Variants in PROZ observed in about 807,000 individuals in gnomAD.
PROZ encodes the protein protein Z, vitamin K dependent plasma glycoprotein.
In PROZ, 46 loss-of-function variants were observed where a neutral mutation model predicts 34.9. The observed-to-expected ratio is 1.32, with a 90% CI of 1.04 to 1.69. The LOEUF (loss-of-function observed/expected upper bound fraction) is 1.69. Among genes scored for constraint, PROZ ranks in the 40% most tolerant of loss-of-function variants. The pLI is 0.00. For synonymous variants in PROZ, 195 were observed against 208.5 expected (o/e 0.94, Z 0.56); for missense variants, 530 against 520.4 (o/e 1.02, Z -0.18).
At position 113,171,280 on chromosome 13, in the gene PROZ, T is replaced by C. The variant is rs765505856; in HGVS notation, c.692-314T>C. 2.0e-5 allele frequency among the ~76,000 whole-genome samples: 3 copies of C among 152,246 alleles called. No homozygotes were observed. The highest frequency in any genetic ancestry group is 6.5e-5 in the Admixed American group (1 of 15,280). On this transcript the variant is annotated intron_variant, in intron 7 of 7. Transcript: ENST00000375547. This position sits in a 1 kb window ranked among gnomAD's most constrained non-coding sequence, Gnocchi z 5.1. ...AAAACCACTTCTCAACAGCCAATGT[T>C]TGACTGGCCTGGAGACGTTCCACAT... is the stretch of plus-strand genomic sequence containing the variant.
rs1240042608 is a variant in PROZ, at chr13:113,159,516, A to G, written c.71-498A>G. Among the ~76,000 whole-genome samples the G allele has an allele frequency of 6.6e-6, 1 of 152,176 alleles. No homozygotes were observed. Among genetic ancestry groups the G allele is most frequent in the Non-Finnish European group, 1.5e-5 (1 of 68,032 alleles). ...ACCCTCAGGTGGGAAGAGGCTCCAG[A>G]GACCACTGCCGCGGGTCAACTCATT... On this transcript the variant is annotated intron_variant, in intron 1 of 7. Transcript: ENST00000375547. This position sits in a 1 kb window ranked among gnomAD's most constrained non-coding sequence, Gnocchi z 4.6.
intron 6 of PROZ, 108 bp from the exon 7 acceptor site, chr13:113,170,305 G>A: frequency 4.5e-6 from 3 of 673,616 alleles, no homozygotes; most frequent in Non-Finnish European, 5.3e-6. Flanking sequence ...TTGGCGGGGG[G>A]TGGGGGTGGG....
chr13:113,165,159 T>G lies in PROZ; in HGVS notation c.573+39T>G, dbSNP rs779122451. On this transcript the variant is annotated intron_variant, in intron 6 of 7. Transcript: ENST00000375547. ...CTCCGCGTGCTTCAATTTATTGTTA[T>G]GACTTTCACCTCACTTGTCATTTCC... is the stretch of plus-strand genomic sequence containing the variant. 2.6e-5 allele frequency: 41 copies of G among 1,569,992 alleles called. No homozygotes were observed. In the East Asian group the frequency reaches 3.8e-4, roughly 15 times the overall value.
rs558255462 is a variant in PROZ, at chr13:113,161,278, G to A, written c.259+306G>A. On this transcript the variant is annotated intron_variant, in intron 3 of 7. Coordinates refer to ENST00000375547, the MANE Select transcript of PROZ (RefSeq NM_003891.3). ...CCCCCCCAGAGCAGCTCCTCCAGCC[G>A]CCTGGCTCCTGGGCTCCTGGGAAGC... is the stretch of plus-strand genomic sequence containing the variant. Among the ~76,000 whole-genome samples, 8 of 152,336 alleles carry A rather than the reference G, an allele frequency of 5.3e-5. No homozygotes were observed. The South Asian group carries it at 6.2e-4, about 12-fold the overall frequency.
chr13:113,165,815 G>C (rs1292011221), intron 6 of PROZ, among the ~76,000 whole-genome samples: 1 of 152,222 alleles, frequency 6.6e-6, no homozygotes. Flanking sequence ...ACAGGCGTGA[G>C]CCACCACGCC....
At position 113,164,588 on chromosome 13, in the gene PROZ, G is replaced by C. The variant is rs199965278; in HGVS notation, c.449G>C (p.Cys150Ser). The change falls in exon 5 of 8, where the codon TGC becomes TCC. Residue 150 changes from cysteine (C) to serine (S), a missense_variant. Transcript: ENST00000375547. The stretch of plus-strand genomic sequence containing the variant: ...CTCCCAGGACAGGAATCCTACACAT[G>C]CAGCTGTGCTCAGGGCTACAGGCTT... The part of the protein sequence containing the change: ...FCLPGQESYT[C>S]SCAQGYRLGE... 8.7e-6 allele frequency: 14 copies of C among 1,613,612 alleles called. No homozygotes were observed. The highest frequency in any genetic ancestry group is 9.3e-6 in the Non-Finnish European group (11 of 1,179,990).
At chr13:113,169,829 G>A (rs576945457) in intron 6 of PROZ, among the ~76,000 whole-genome samples, 2 of 152,300 alleles carry the variant, frequency 1.3e-5, no homozygotes, top group Non-Finnish European at 2.9e-5. Flanking sequence ...CCATGTACAC[G>A]TGATCACCAC....
chr13:113,169,991 G>A (rs1032573014), intron 6 of PROZ, among the ~76,000 whole-genome samples: 9 of 152,262 alleles, frequency 5.9e-5, no homozygotes, highest in African/African-American at 1.9e-4. Context: ...TTCAATTTAG[G>A]GAGTCAGCAG....
Position 113,159,151 on chromosome 13 carries a change from T to G in PROZ, c.70+421T>G, listed in dbSNP as rs535651487. On this transcript the variant is annotated intron_variant, in intron 1 of 7. Transcript: ENST00000375547. This position sits in a 1 kb window ranked among gnomAD's most constrained non-coding sequence, Gnocchi z 4.6. ...ATGCCCAGTCTTGAGTCAGGAGACATAGCCAGGGAGCAGCCACCCTGCCTG... is the reference window on the plus strand; with the variant it reads ...ATGCCCAGTCTTGAGTCAGGAGACAGAGCCAGGGAGCAGCCACCCTGCCTG... 1 of 1,377,090 alleles carries G rather than the reference T, an allele frequency of 7.3e-7. No individual in the cohort carries two copies. Among genetic ancestry groups the G allele is most frequent in the African/African-American group, 1.4e-5 (1 of 69,310 alleles). 85.3% of individuals were successfully genotyped at this position (1,377,090 alleles called of 1,614,324 possible).
At position 113,159,372 on chromosome 13, in the gene PROZ, C is replaced by T. The variant is rs1024985586; in HGVS notation, c.70+642C>T. 8.2e-7 allele frequency: 1 copy of T among 1,221,198 alleles called. No homozygotes were observed. The highest frequency in any genetic ancestry group is 2.5e-5 in the East Asian group (1 of 39,274). 75.6% of individuals were successfully genotyped at this position (1,221,198 alleles called of 1,614,324 possible). ...CCCGCCCTGCCCTGCCCAGCACTTA[C>T]CGTAGCCGGACTTAGCTGAGCCCCC... is the stretch of plus-strand genomic sequence containing the variant. On this transcript the variant is annotated intron_variant, in intron 1 of 7. Transcript: ENST00000375547. The surrounding 1 kb of genome is among the most constrained non-coding windows in gnomAD (Gnocchi z 4.6).
Position 113,172,158 on chromosome 13 carries a change from C to A in PROZ, c.*53C>A. On this transcript the variant is annotated 3_prime_UTR_variant, in exon 8 of 8. Transcript: ENST00000375547. ...ACACAACCGGAAGCGGGATTCCAAGCTGGCACTGCCACTGTGGAGGGCGCT... is the reference window on the plus strand; with the variant it reads ...ACACAACCGGAAGCGGGATTCCAAGATGGCACTGCCACTGTGGAGGGCGCT... 1 of 1,596,216 alleles carries A rather than the reference C, an allele frequency of 6.3e-7. No individual in the cohort carries two copies. The highest frequency in any genetic ancestry group is 1.1e-5 in the South Asian group (1 of 89,346).
chr13:113,170,576 A>G, intron 7 of PROZ, 46 bp downstream of exon 7: 2 of 1,114,612 alleles, frequency 1.8e-6, no homozygotes. Flanking sequence ...TTGGAAATAC[A>G]CTATCCTATG....
At chr13:113,170,320 G>C in intron 6 of PROZ, 93 bp from the exon 7 acceptor site, 1 of 780,530 alleles carries the variant, frequency 1.3e-6, no homozygotes, top group Non-Finnish European at 2.3e-6. Flanking sequence ...GGTGGGGGTG[G>C]GGGGGTGGTC....
chr13:113,165,162 C>T, intron 6 of PROZ, 42 bp downstream of exon 6: 3 of 1,557,380 alleles, frequency 1.9e-6, no homozygotes, highest in Non-Finnish European at 2.6e-6. Flanking sequence ...ATTGTTATGA[C>T]TTTCACCTCA....
Position 113,159,943 on chromosome 13 carries a change from G to A in PROZ, c.71-71G>A. On this transcript the variant is annotated intron_variant, in intron 1 of 7. Coordinates refer to ENST00000375547, the MANE Select transcript of PROZ (RefSeq NM_003891.3). This position sits in a 1 kb window ranked among gnomAD's most constrained non-coding sequence, Gnocchi z 4.6. Reference sequence around the variant, plus strand: ...GCTGGGGCTGGCGGCCGGCCGGGGAGGAAGCCAGGCAGCTCTGGAAAGCAG... The same window carrying A: ...GCTGGGGCTGGCGGCCGGCCGGGGAAGAAGCCAGGCAGCTCTGGAAAGCAG... The A allele has an allele frequency of 6.3e-7, 1 of 1,586,630 alleles. No individual in the cohort carries two copies.
Position 113,159,992 on chromosome 13 carries a change from T to C in PROZ, c.71-22T>C. ...AGGGCCCTCGGTGCTCCCAGTCACCTGCCTTCTTGTCTCGTCTGTAGTATT... is the reference window on the plus strand; with the variant it reads ...AGGGCCCTCGGTGCTCCCAGTCACCCGCCTTCTTGTCTCGTCTGTAGTATT... On this transcript the variant is annotated intron_variant, in intron 1 of 7. Coordinates refer to ENST00000375547, the MANE Select transcript of PROZ (RefSeq NM_003891.3). The surrounding 1 kb of genome is among the most constrained non-coding windows in gnomAD (Gnocchi z 4.6). 5 of 1,613,400 alleles carry C rather than the reference T, an allele frequency of 3.1e-6. No homozygotes were observed. The highest frequency in any genetic ancestry group is 1.3e-5 in the African/African-American group (1 of 75,046).
intron 3 of PROZ, 118 bp from the exon 4 acceptor site, chr13:113,162,891 A>ACCCCCCCCCCC: frequency 1.4e-5 from 4 of 284,636 alleles, no homozygotes; most frequent in South Asian, 2.5e-5. Context: ...CCCTGCTGCC[A>ACCCCCCCCCCC]CCCCCCACTC....
chr13:113,172,042 T>C lies in PROZ; in HGVS notation c.1140T>C (p.Ala380=). Residue 380 remains alanine (A), a synonymous_variant, in exon 8 of 8, where the codon GCT becomes GCC. Coordinates refer to ENST00000375547, the MANE Select transcript of PROZ (RefSeq NM_003891.3). Reference sequence around the variant, plus strand: ...GCTCGCAGCCAGTAGGAGGGCAGGCTCACATGGTCCTTGTCACCAAGGTCT... The same window carrying C: ...GCTCGCAGCCAGTAGGAGGGCAGGCCCACATGGTCCTTGTCACCAAGGTCT... ...VLGSQPVGGQ[A]HMVLVTKVSR... 6.2e-7 allele frequency: 1 copy of C among 1,613,056 alleles called. No individual in the cohort carries two copies. Among genetic ancestry groups the C allele is most frequent in the Non-Finnish European group, 8.5e-7 (1 of 1,180,018 alleles).
At chr13:113,160,302 C>T (rs1483741313) in intron 2 of PROZ, 125 bp downstream of exon 2, 2 of 1,222,948 alleles carry the variant, frequency 1.6e-6, no homozygotes. Context: ...GAGGTTGACA[C>T]AATCCCAGTT....
Sources: allele counts gnomAD v4.1 joint callset (sites outside exome capture counted in the v4.1 genomes callset), GRCh38; gene constraint gnomAD v4.1.1; non-coding constraint Gnocchi (gnomAD v3.1); transcripts MANE v1.5; gene names NCBI Gene and HGNC (gene_info 2026-07-23, HGNC 2026-07-21).